INSR: variants seen among roughly 807,000 people sequenced by gnomAD.
INSR encodes the protein IR.
A neutral mutation model predicts 142.6 loss-of-function variants in INSR; 67 were observed. The ratio of observed to expected loss-of-function variants is 0.47; its 90% CI spans 0.39 to 0.58. INSR has a LOEUF of 0.58. Ranked by LOEUF, INSR falls within the 20% of genes least tolerant of loss-of-function variation. The probability of loss-of-function intolerance (pLI) is 0.00; values close to 1 mark genes in which losing one functional copy is unlikely to be tolerated. For missense variants in INSR, 1,248 were observed against 1,833.2 expected, an observed-to-expected ratio of 0.68 and a Z score of 5.83; for synonymous variants, 756 against 743.1, an observed-to-expected ratio of 1.02 and a Z score of -0.28.
At chr19:7,202,744 G>T (rs551742171) in intron 2 of INSR, among the ~76,000 whole-genome samples, 1 of 152,024 alleles carries the variant, frequency 6.6e-6, no homozygotes, top group Non-Finnish European at 1.5e-5. Context: ...CAGGTGATCC[G>T]CTCGCCTCGG....
At position 7,142,736 on chromosome 19, in the gene INSR, G is replaced by A. The variant is rs1973101176; in HGVS notation, c.2542+80C>T. The stretch of plus-strand genomic sequence containing the variant: ...ATAAGGTAAAATACAGATATGCACT[G>A]CTTAGAGGGTGGAGAATCTGTCCTT... On this transcript the variant is annotated intron_variant, in intron 12 of 21. Coordinates refer to ENST00000302850, the MANE Select transcript of INSR (RefSeq NM_000208.4). 19 of 1,523,540 alleles carry A rather than the reference G, an allele frequency of 1.2e-5. No individual in the cohort carries two copies. In the South Asian group the frequency reaches 1.9e-4, roughly 15 times the overall value. The allele number at this position is 1,523,540 out of a possible 1,614,324, so 94.4% of individuals were successfully genotyped here.
At chr19:7,270,314 A>ATT (rs1245619481) in intron 1 of INSR, among the ~76,000 whole-genome samples, 1 of 112,010 alleles carries the variant, frequency 8.9e-6, no homozygotes, top group Non-Finnish European at 1.8e-5. Context: ...ACTATATTTC[A>ATT]TTTCTCTCTC....
intron 2 of INSR, among the ~76,000 whole-genome samples, chr19:7,187,771 C>T (rs1249594571): frequency 6.6e-6 from 1 of 151,936 alleles, no homozygotes; most frequent in Non-Finnish European, 1.5e-5. Flanking sequence ...TGGGGTCTCA[C>T]TATGTTGCCC....
At position 7,267,642 on chromosome 19, in the gene INSR, C is replaced by G. The variant is rs929761465; in HGVS notation, c.355G>C (p.Ala119Pro). ...TGAACCATCTCGAAGATGACCAGCGCGTAGTTAAAGAACAGTCGTGATCCC... is the reference window on the plus strand; with the variant it reads ...TGAACCATCTCGAAGATGACCAGCGGGTAGTTAAAGAACAGTCGTGATCCC... ...IRGSRLFFNYALVIFEMVHLK... is the reference protein window; with the variant it reads ...IRGSRLFFNYPLVIFEMVHLK... The change falls in exon 2 of 22, where the codon GCG (alanine) becomes CCG (proline). Residue 119 changes from alanine (A) to proline (P), a missense_variant. Ala to Pro is a conservative substitution (Grantham distance 27, BLOSUM62 -1). Coordinates refer to ENST00000302850, the MANE Select transcript of INSR (RefSeq NM_000208.4). This position sits in a 1 kb window ranked among gnomAD's most constrained non-coding sequence, Gnocchi z 6.3. The G allele has an allele frequency of 1.2e-6, 2 of 1,613,916 alleles. No individual in the cohort carries two copies. The highest frequency in any genetic ancestry group is 1.7e-6 in the Non-Finnish European group (2 of 1,179,914).
intron 11 of INSR, among the ~76,000 whole-genome samples, chr19:7,148,461 G>C (rs36145952): frequency 0.13 from 18,027 of 135,126 alleles, 1,905 homozygotes; most frequent in East Asian, 0.56. Context: ...ATTATTATTA[G>C]TATTATGTAT....
At chr19:7,269,376 AACACACACACAC>A (rs60776874) in intron 1 of INSR, among the ~76,000 whole-genome samples, 27,294 of 134,584 alleles carry the variant, frequency 0.2, 2,689 homozygotes, top group East Asian at 0.33. Flanking sequence ...AAGTCGAGAA[AACACACACACAC>A]ACACACACAC....
rs1018789588 is a variant in INSR at position 7,116,397 on chromosome 19, G to T, written c.*659C>A. 1 of 151,980 alleles carries T rather than the reference G, an allele frequency of 6.6e-6. No homozygotes were observed. The highest frequency in any genetic ancestry group is 2.4e-5 in the African/African-American group (1 of 41,232). The allele number at this position is 151,980 out of a possible 1,614,324, so 9.4% of individuals were successfully genotyped here. On this transcript the variant is annotated 3_prime_UTR_variant, in exon 22 of 22. Coordinates refer to ENST00000302850, the MANE Select transcript of INSR (RefSeq NM_000208.4). ...TGGATACTTTGCACACACATCAGCC[G>T]TGTCTAATGGACACACACACGTGCA...
chr19:7,281,482 C>T (rs554228449), intron 1 of INSR, among the ~76,000 whole-genome samples: 1 of 151,400 alleles, frequency 6.6e-6, no homozygotes, highest in Non-Finnish European at 1.5e-5. Context: ...CGAGGCCAGC[C>T]TGGGCAACAC....
chr19:7,134,528 G>A (rs1356719396), intron 13 of INSR, among the ~76,000 whole-genome samples: 2 of 151,776 alleles, frequency 1.3e-5, no homozygotes, highest in East Asian at 1.9e-4. Context: ...GCACTTTCAG[G>A]GGCCAAGGCG....
intron 2 of INSR, among the ~76,000 whole-genome samples, chr19:7,207,588 C>A (rs61515378): frequency 0.39 from 59,147 of 150,954 alleles, 11,683 homozygotes; most frequent in East Asian, 0.45. Flanking sequence ...TCTCAAAAAA[C>A]AACATGAGTT....
chr19:7,194,396 G>A (rs921333465), intron 2 of INSR, among the ~76,000 whole-genome samples: 1 of 145,520 alleles, frequency 6.9e-6, no homozygotes, highest in Non-Finnish European at 1.5e-5. Flanking sequence ...CAGCCTGGAC[G>A]ACAGAATGAG....
intron 11 of INSR, among the ~76,000 whole-genome samples, chr19:7,149,222 G>A (rs949323818): frequency 6.6e-6 from 1 of 152,154 alleles, no homozygotes; most frequent in Non-Finnish European, 1.5e-5. Flanking sequence ...GCAGGACTGA[G>A]ATTGAGATCT....
intron 2 of INSR, among the ~76,000 whole-genome samples, chr19:7,202,114 C>G (rs2145049026): frequency 6.6e-6 from 1 of 152,304 alleles, no homozygotes; most frequent in Non-Finnish European, 1.5e-5. Flanking sequence ...TTTCAGTAGT[C>G]ACTAACCATA....
At chr19:7,137,575 G>T (rs568988108) in intron 13 of INSR, among the ~76,000 whole-genome samples, 19 of 152,134 alleles carry the variant, frequency 1.2e-4, no homozygotes, top group Non-Finnish European at 2.1e-4. Context: ...ATTACCTGAG[G>T]TTAAGAGCTC....
At chr19:7,218,030 G>T (rs2145091018) in intron 2 of INSR, among the ~76,000 whole-genome samples, 1 of 152,302 alleles carries the variant, frequency 6.6e-6, no homozygotes, top group Non-Finnish European at 1.5e-5. Flanking sequence ...ACTGTGGGAG[G>T]ATGGGATGGT....
rs545015114 is a variant in INSR, at chr19:7,280,031, C to T, written c.101-12135G>A. On this transcript the variant is annotated intron_variant, in intron 1 of 21. Coordinates refer to ENST00000302850, the MANE Select transcript of INSR (RefSeq NM_000208.4). ...CTGTAATCCCAGCACTTTGGGAGGC[C>T]GAGGCGGGCGGATCACGAGGTCAAG... Among the ~76,000 whole-genome samples, 30 of 151,892 alleles carry T rather than the reference C, an allele frequency of 2.0e-4. No individual in the cohort carries two copies. In the East Asian group the frequency reaches 5.2e-3, roughly 26 times the overall value.
chr19:7,283,264 G>T (rs2145241898), intron 1 of INSR, among the ~76,000 whole-genome samples: 1 of 152,154 alleles, frequency 6.6e-6, no homozygotes, highest in East Asian at 1.9e-4. Context: ...TGCCACCAGT[G>T]TTGGCAGAGG....
At chr19:7,206,655 G>A (rs1028682533) in intron 2 of INSR, among the ~76,000 whole-genome samples, 3 of 152,058 alleles carry the variant, frequency 2.0e-5, no homozygotes, top group East Asian at 3.9e-4. Flanking sequence ...CCACCAAATG[G>A]GACTGTCTAT....
intron 2 of INSR, among the ~76,000 whole-genome samples, chr19:7,222,127 T>TAAAA (rs57114939): frequency 0.53 from 66,731 of 125,696 alleles, 17,757 homozygotes; most frequent in African/African-American, 0.56. Flanking sequence ...ATGTCCTCGG[T>TAAAA]AAAAAAAAAA....
Sources: allele counts gnomAD v4.1 joint callset (sites outside exome capture counted in the v4.1 genomes callset), GRCh38; gene constraint gnomAD v4.1.1; non-coding constraint Gnocchi (gnomAD v3.1); transcripts MANE v1.5; gene names NCBI Gene and HGNC (gene_info 2026-07-23, HGNC 2026-07-21).